The following EYS variants were observed in gnomAD, a reference collection of about 807,000 sequenced individuals.
The protein encoded by EYS is protein eyes shut homolog.
In EYS, 250 loss-of-function variants were observed where a neutral mutation model predicts 282.1. The observed-to-expected ratio is 0.89, with a 90% confidence interval of 0.80 to 0.98. EYS has a LOEUF of 0.98. Among genes scored for constraint, EYS ranks in the 50% least tolerant of loss-of-function variants. The pLI is 0.00. For missense variants in EYS, 4,016 were observed against 3,709.0 expected, an observed-to-expected ratio of 1.08 and a Z score of -2.15; for synonymous variants, 1,355 against 1,282.9, an observed-to-expected ratio of 1.06 and a Z score of -1.20.
chr6:65,400,564 AG>A (rs1018149586), intron 7 of EYS, among the ~76,000 whole-genome samples: 81 of 151,908 alleles, frequency 5.3e-4, no homozygotes, highest in Non-Finnish European at 7.5e-4. Flanking sequence ...CTAGGTGGTA[AG>A]GAATTTTCTG....
intron 35 of EYS, among the ~76,000 whole-genome samples, chr6:63,879,459 A>G (rs1381220789): frequency 6.6e-6 from 1 of 152,206 alleles, no homozygotes; most frequent in African/African-American, 2.4e-5. Context: ...AAAGTACTAG[A>G]GCAGCTACTT....
chr6:64,485,166 C>T (rs1175307095), intron 26 of EYS, among the ~76,000 whole-genome samples: 1 of 151,564 alleles, frequency 6.6e-6, no homozygotes, highest in East Asian at 1.9e-4. Context: ...AAGGGTCCAG[C>T]TTAAGGAGCA....
chr6:65,399,070 A>C (rs1027241736), intron 7 of EYS, among the ~76,000 whole-genome samples: 1 of 151,792 alleles, frequency 6.6e-6, no homozygotes, highest in Non-Finnish European at 1.5e-5. Flanking sequence ...GTCACCACCA[A>C]CTCTGGGCTA....
At chr6:65,672,533 C>G (rs573704174) in intron 1 of EYS, among the ~76,000 whole-genome samples, 69 of 152,160 alleles carry the variant, frequency 4.5e-4, no homozygotes, top group African/African-American at 1.5e-3. Flanking sequence ...GGCTACTTTT[C>G]AAATGCATAG....
intron 19 of EYS, among the ~76,000 whole-genome samples, chr6:64,868,993 C>G (rs1380056799): frequency 6.6e-6 from 1 of 151,474 alleles, no homozygotes. Flanking sequence ...AAGTAAGAGC[C>G]TTTTAATCCT....
chr6:64,266,978 A>T (rs995479330), intron 30 of EYS, among the ~76,000 whole-genome samples: 1 of 152,198 alleles, frequency 6.6e-6, no homozygotes, highest in Non-Finnish European at 1.5e-5. Flanking sequence ...TATTCTATTT[A>T]AAAAAGCAAG....
intron 12 of EYS, among the ~76,000 whole-genome samples, chr6:65,279,809 C>G (rs1768165521): frequency 6.6e-6 from 1 of 152,084 alleles, no homozygotes; most frequent in Non-Finnish European, 1.5e-5. Context: ...TTGTTTACAT[C>G]TTGCTAAAGA....
intron 12 of EYS, among the ~76,000 whole-genome samples, chr6:65,173,853 T>C (rs1479250705): frequency 6.6e-6 from 1 of 151,254 alleles, no homozygotes; most frequent in African/African-American, 2.4e-5. Flanking sequence ...TTTAGTTGCA[T>C]AGTAAGGCTA....
At chr6:63,727,737 A>AAAAATATATATATAT (rs1554164607) in intron 41 of EYS, among the ~76,000 whole-genome samples, 2 of 36,736 alleles carry the variant, frequency 5.4e-5, no homozygotes, top group Non-Finnish European at 8.5e-5. Flanking sequence ...AAAAAAAAAA[A>AAAAATATATATATAT]ATATATATAT....
chr6:63,834,750 C>T (rs142470755), intron 36 of EYS, among the ~76,000 whole-genome samples: 2 of 151,898 alleles, frequency 1.3e-5, no homozygotes, highest in African/African-American at 2.4e-5. Context: ...GACACATGCA[C>T]GTGTATGTTT....
chr6:64,593,054 A>T, intron 25 of EYS, 63 bp downstream of exon 25: 4 of 1,230,368 alleles, frequency 3.3e-6, no homozygotes, highest in Non-Finnish European at 4.4e-6. Context: ...TGCAGAAAAT[A>T]TGCTTTTACC....
chr6:63,772,915 CTATATT>C (rs2149661729), intron 40 of EYS, among the ~76,000 whole-genome samples: 1 of 151,978 alleles, frequency 6.6e-6, no homozygotes, highest in African/African-American at 2.4e-5. Flanking sequence ...GTATGTGTAT[CTATATT>C]TATGTATTTA....
rs114179179 is a variant in EYS, at chr6:65,426,442, C to T, written c.863-21075G>A. On this transcript the variant is annotated intron_variant, in intron 5 of 42. Transcript: ENST00000503581. ...TATATTTTATTATTATCTTTAATGT[C>T]TAAAAAAACACTGAATGAATGAGAT... 5.5e-3 allele frequency among the ~76,000 whole-genome samples: 831 copies of T among 151,894 alleles called. 4 individuals carry two copies. Among genetic ancestry groups the T allele is most frequent in the Non-Finnish European group, 9.4e-3 (639 of 67,954 alleles).
At chr6:64,462,998 T>C (rs1035437289) in intron 26 of EYS, among the ~76,000 whole-genome samples, 2 of 144,290 alleles carry the variant, frequency 1.4e-5, no homozygotes, top group African/African-American at 2.6e-5. Flanking sequence ...CAGGCTGGAG[T>C]GCAGTGGCGA....
intron 8 of EYS, among the ~76,000 whole-genome samples, chr6:65,354,757 C>T (rs866516601): frequency 3.3e-5 from 5 of 151,704 alleles, no homozygotes; most frequent in South Asian, 2.1e-4. Flanking sequence ...GCAGAGATTG[C>T]GGTGAGCTGA....
intron 12 of EYS, among the ~76,000 whole-genome samples, chr6:65,159,896 T>C (rs1158770835): frequency 6.6e-6 from 1 of 151,000 alleles, no homozygotes; most frequent in Non-Finnish European, 1.5e-5. Context: ...GTAAGTGTCA[T>C]TACTGCATAA....
chr6:65,005,896 C>T (rs180935267), intron 13 of EYS, among the ~76,000 whole-genome samples: 170 of 152,306 alleles, frequency 1.1e-3, no homozygotes, highest in African/African-American at 3.8e-3. Flanking sequence ...TCCTGGGTCC[C>T]GACCACGACT....
chr6:63,857,608 G>T (rs1365746871), intron 36 of EYS: 9 of 414,012 alleles, frequency 2.2e-5, no homozygotes, highest in Admixed American at 2.0e-4. Flanking sequence ...GTGTGATGGG[G>T]TCCACGTGTG....
At chr6:64,800,741 A>C (rs1774515645) in intron 22 of EYS, among the ~76,000 whole-genome samples, 1 of 152,000 alleles carries the variant, frequency 6.6e-6, no homozygotes, top group African/African-American at 2.4e-5. Flanking sequence ...TTACGTTTTT[A>C]CTTAAAAAAT....
Sources: gnomAD v4.1 joint callset for allele counts (sites outside exome capture counted in the v4.1 genomes callset) on GRCh38, gnomAD v4.1.1 for gene constraint, MANE v1.5 for transcripts, NCBI Gene and HGNC (gene_info 2026-07-23, HGNC 2026-07-21) for gene names.